CACNA1E: variants seen among roughly 807,000 people sequenced by gnomAD.
The protein encoded by CACNA1E is calcium voltage-gated channel subunit alpha1 E, also known as voltage-dependent R-type calcium channel subunit alpha-1E.
A neutral mutation model predicts 259.2 loss-of-function variants in CACNA1E; 40 were observed. The observed-to-expected ratio is 0.15, with a 90% CI of 0.12 to 0.20. The LOEUF (loss-of-function observed/expected upper bound fraction) is 0.20. Among genes scored for constraint, CACNA1E ranks in the 10% least tolerant of loss-of-function variants. CACNA1E has a pLI of 1.00. For synonymous variants in CACNA1E, 1,104 were observed against 1,138.5 expected (o/e 0.97, Z 0.61); for missense variants, 1,874 against 3,040.1 (o/e 0.62, Z 9.02).
At chr1:181,378,852 A>C (rs1489231888) in intron 1 of CACNA1E, among the ~76,000 whole-genome samples, 1 of 152,232 alleles carries the variant, frequency 6.6e-6, no homozygotes, top group African/African-American at 2.4e-5. Flanking sequence ...AACAAGACAC[A>C]AAAGGACTGA....
chr1:181,743,793 C>T (rs1034087764), intron 25 of CACNA1E, among the ~76,000 whole-genome samples: 8 of 152,202 alleles, frequency 5.3e-5, no homozygotes, highest in Non-Finnish European at 8.8e-5. Flanking sequence ...AGCAGGTGAG[C>T]GCTCCTGGAT....
At chr1:181,740,992 A>C (rs951553579) in intron 25 of CACNA1E, among the ~76,000 whole-genome samples, 2 of 152,166 alleles carry the variant, frequency 1.3e-5, no homozygotes, top group East Asian at 1.9e-4. Context: ...AAGGAGACCC[A>C]CCTTTTTTGT....
chr1:181,488,720 C>T (rs1189105013), intron 1 of CACNA1E, among the ~76,000 whole-genome samples: 1 of 152,148 alleles, frequency 6.6e-6, no homozygotes, highest in Non-Finnish European at 1.5e-5. Flanking sequence ...TTCTCCACTT[C>T]CCTCCACTTG....
At chr1:181,718,896 A>G (rs904889383) in intron 12 of CACNA1E, among the ~76,000 whole-genome samples, 3 of 152,206 alleles carry the variant, frequency 2.0e-5, no homozygotes, top group Admixed American at 6.5e-5. Context: ...AAGTTCATAT[A>G]CCCAGTTAGC....
At chr1:181,447,031 C>T (rs1413521556) in intron 2 of CACNA1E, among the ~76,000 whole-genome samples, 5 of 152,170 alleles carry the variant, frequency 3.3e-5, no homozygotes, top group Admixed American at 3.3e-4. Flanking sequence ...TAAGGTTGCA[C>T]TTCCAAGGTT....
At chr1:181,370,350 T>C (rs1044144769) in intron 1 of CACNA1E, among the ~76,000 whole-genome samples, 1 of 151,910 alleles carries the variant, frequency 6.6e-6, no homozygotes, top group Non-Finnish European at 1.5e-5. Context: ...AAATTTTATG[T>C]CACTGGGGTT....
intron 3 of CACNA1E, among the ~76,000 whole-genome samples, chr1:181,567,939 GTA>G (rs368435648): frequency 6.6e-6 from 1 of 151,488 alleles, no homozygotes; most frequent in Non-Finnish European, 1.5e-5. Flanking sequence ...ATGTATGTGT[GTA>G]TATATATATA....
chr1:181,485,494 G>A lies in CACNA1E; in HGVS notation c.266+1484G>A, dbSNP rs1421644289. On this transcript the variant is annotated intron_variant, in intron 1 of 47. Transcript: ENST00000367573. This position sits in a 1 kb window ranked among gnomAD's most constrained non-coding sequence, Gnocchi z 4.2. ...GTTCGCATCCTCCCACAGCAACCCC[G>A]GCTGGGCTTCTCCCTCTCTCCTCTC... is the stretch of plus-strand genomic sequence containing the variant. 2.6e-5 allele frequency among the ~76,000 whole-genome samples: 4 copies of A among 152,112 alleles called. 1 individual carries two copies. The highest frequency in any genetic ancestry group is 2.6e-4 in the Admixed American group (4 of 15,262).
intron 1 of CACNA1E, among the ~76,000 whole-genome samples, chr1:181,388,962 T>C (rs185788769): frequency 6.6e-4 from 100 of 152,258 alleles, no homozygotes; most frequent in African/African-American, 2.3e-3. Context: ...GATGGAAACA[T>C]TGTTTTGTGG....
chr1:181,350,304 G>A (rs1010787934), intron 1 of CACNA1E, among the ~76,000 whole-genome samples: 3 of 152,168 alleles, frequency 2.0e-5, no homozygotes, highest in Non-Finnish European at 4.4e-5. Context: ...GTGTGTCCTG[G>A]CACTGAGAGC....
intron 7 of CACNA1E, among the ~76,000 whole-genome samples, chr1:181,665,152 CCT>C (rs1648090090): frequency 1.4e-5 from 1 of 70,032 alleles, no homozygotes; most frequent in Non-Finnish European, 2.7e-5. Context: ...TACCTATATA[CCT>C]ATACACACAC....
At chr1:181,730,791 C>T (rs367593586) in intron 18 of CACNA1E, among the ~76,000 whole-genome samples, 5 of 152,114 alleles carry the variant, frequency 3.3e-5, no homozygotes, top group Admixed American at 6.5e-5. Context: ...AGAAATGACT[C>T]GGGGGAGGGG....
chr1:181,636,598 A>T (rs576595249), intron 6 of CACNA1E, among the ~76,000 whole-genome samples: 8 of 152,288 alleles, frequency 5.3e-5, no homozygotes, highest in African/African-American at 1.9e-4. Context: ...AACTCCTTGG[A>T]GCACCAGTCA....
chr1:181,649,702 G>A (rs1025681258), intron 6 of CACNA1E, among the ~76,000 whole-genome samples: 3 of 152,324 alleles, frequency 2.0e-5, no homozygotes, highest in South Asian at 2.1e-4. Flanking sequence ...GTTCTTTGCA[G>A]GAACATGGAT....
At chr1:181,782,758 G>C (rs940505524) in intron 39 of CACNA1E, among the ~76,000 whole-genome samples, 1 of 152,064 alleles carries the variant, frequency 6.6e-6, no homozygotes, top group African/African-American at 2.4e-5. Flanking sequence ...ATGGCTCCTC[G>C]TGCACAGCTT....
chr1:181,422,281 C>G (rs1658805853), intron 2 of CACNA1E, among the ~76,000 whole-genome samples: 2 of 152,200 alleles, frequency 1.3e-5, no homozygotes, highest in African/African-American at 4.8e-5. Flanking sequence ...CTCCATATCC[C>G]CAGTGCTGAG....
chr1:181,760,381 A>G (rs1341752061), intron 32 of CACNA1E, among the ~76,000 whole-genome samples: 1 of 152,188 alleles, frequency 6.6e-6, no homozygotes, highest in African/African-American at 2.4e-5. Flanking sequence ...AATATATACT[A>G]TTTCGTTAGA....
chr1:181,472,183 A>C (rs1376609983), intron 2 of CACNA1E, among the ~76,000 whole-genome samples: 3 of 129,798 alleles, frequency 2.3e-5, no homozygotes, highest in Non-Finnish European at 4.7e-5. Flanking sequence ...TGTAGAATGA[A>C]AAAGGGAATG....
chr1:181,334,685 C>CCAGGT (rs1187687165), intron 1 of CACNA1E, among the ~76,000 whole-genome samples: 5 of 152,174 alleles, frequency 3.3e-5, no homozygotes, highest in African/African-American at 1.2e-4. Flanking sequence ...ACCACCTCCA[C>CCAGGT]TGCTACCAGC....
Sources: gnomAD v4.1 joint callset for allele counts (sites outside exome capture counted in the v4.1 genomes callset) on GRCh38, gnomAD v4.1.1 for gene constraint, Gnocchi (gnomAD v3.1) non-coding constraint, MANE v1.5 for transcripts, NCBI Gene and HGNC (gene_info 2026-07-23, HGNC 2026-07-21) for gene names.